ASH1L: variants seen among roughly 807,000 people sequenced by gnomAD.
ASH1L encodes ASH1 like histone lysine methyltransferase, also known as histone-lysine N-methyltransferase ASH1L.
ASH1L carries 23 observed loss-of-function variants against 269.0 expected under a neutral mutation model. That is an observed-to-expected ratio of 0.09 (90% confidence interval 0.06 to 0.12). The LOEUF is 0.12. ASH1L is among the 10% of genes least tolerant of loss of function. The probability of loss-of-function intolerance (pLI) is 1.00; values close to 1 mark genes in which losing one functional copy is unlikely to be tolerated. For synonymous variants in ASH1L, 1,187 were observed against 1,253.5 expected, an observed-to-expected ratio of 0.95 and a Z score of 1.12; for missense variants, 2,912 against 3,567.8, an observed-to-expected ratio of 0.82 and a Z score of 4.68.
intron 6 of ASH1L, chr1:155,396,270 T>C (rs1658338536): frequency 6.6e-6 from 1 of 152,172 alleles, no homozygotes; most frequent in Non-Finnish European, 1.5e-5. Context: ...AAGAGTCTCA[T>C]TTAAGATATT....
chr1:155,413,343 C>T (rs370157591), intron 6 of ASH1L, among the ~76,000 whole-genome samples: 15 of 152,148 alleles, frequency 9.9e-5, no homozygotes, highest in African/African-American at 2.2e-4. Flanking sequence ...TGGTGGCTCA[C>T]GCCTGTAATC....
chr1:155,546,942 A>ATTTTTT (rs1670868787), intron 1 of ASH1L, among the ~76,000 whole-genome samples: 1 of 130,812 alleles, frequency 7.6e-6, no homozygotes, highest in South Asian at 2.4e-4. Flanking sequence ...GTTTCATCAC[A>ATTTTTT]TTCTTTTTTT....
chr1:155,517,315 G>C (rs776941592), intron 2 of ASH1L, among the ~76,000 whole-genome samples: 1 of 151,938 alleles, frequency 6.6e-6, no homozygotes, highest in South Asian at 2.1e-4. Context: ...CCTGGATGAC[G>C]GAGCAAGACC....
chr1:155,533,851 C>T (rs1338727254), intron 1 of ASH1L, among the ~76,000 whole-genome samples: 1 of 152,136 alleles, frequency 6.6e-6, no homozygotes, highest in Non-Finnish European at 1.5e-5. Flanking sequence ...CAACACCTCT[C>T]CAACCATTTC....
At chr1:155,466,061 A>G (rs1664671259) in intron 3 of ASH1L, among the ~76,000 whole-genome samples, 2 of 152,214 alleles carry the variant, frequency 1.3e-5, no homozygotes, top group African/African-American at 2.4e-5. Flanking sequence ...TTTAAGCTAT[A>G]AAGTCTGTTT....
At chr1:155,404,893 T>C (rs1438712683) in intron 6 of ASH1L, among the ~76,000 whole-genome samples, 1 of 151,034 alleles carries the variant, frequency 6.6e-6, no homozygotes, top group Admixed American at 6.6e-5. Context: ...CTGAGTGTGG[T>C]GGTGCGTGCC....
At chr1:155,485,198 G>A (rs1405890397) in intron 2 of ASH1L, among the ~76,000 whole-genome samples, 2 of 150,588 alleles carry the variant, frequency 1.3e-5, no homozygotes, top group Non-Finnish European at 2.9e-5. Flanking sequence ...GGAGGTTGCA[G>A]TGAGCCAAGA....
At chr1:155,506,573 T>C (rs1667829027) in intron 2 of ASH1L, among the ~76,000 whole-genome samples, 1 of 151,890 alleles carries the variant, frequency 6.6e-6, no homozygotes. Flanking sequence ...GGCGTGTGCC[T>C]GTAGTACCAG....
intron 6 of ASH1L, among the ~76,000 whole-genome samples, chr1:155,408,284 T>G (rs1041051805): frequency 6.6e-6 from 1 of 152,242 alleles, no homozygotes; most frequent in Admixed American, 6.5e-5. Context: ...AGCTGCTAAA[T>G]TTGTGATAAT....
intron 2 of ASH1L, among the ~76,000 whole-genome samples, chr1:155,511,719 T>C (rs965220787): frequency 2.6e-5 from 4 of 152,174 alleles, no homozygotes; most frequent in African/African-American, 4.8e-5. Context: ...TTGGCCAGCA[T>C]AGTCTCGATC....
rs769878024 is a variant in ASH1L, at chr1:155,352,716, G to A, written c.7356C>T (p.Ile2452=). The A allele has an allele frequency of 2.2e-5, 36 of 1,608,050 alleles. 1 individual carries two copies. The African/African-American group carries it at 3.6e-4, about 16-fold the overall frequency. The change falls in exon 17 of 28, where the codon ATC becomes ATT. Residue 2452 remains isoleucine (I), a synonymous_variant. Transcript: ENST00000392403. ...QIFKEICDGI[I]SYKDSSRQAL... is the part of the protein sequence containing the mutation. Reference sequence around the variant, plus strand: ...GGTGGTTATAGTCACCTTTATAAGAGATGATACCATCACAAATTTCTTTGA... The same window carrying A: ...GGTGGTTATAGTCACCTTTATAAGAAATGATACCATCACAAATTTCTTTGA...
intron 5 of ASH1L, among the ~76,000 whole-genome samples, chr1:155,427,908 G>T (rs1558093064): frequency 6.6e-6 from 1 of 152,204 alleles, no homozygotes; most frequent in East Asian, 1.9e-4. Context: ...GAGTTCTGTT[G>T]AGATCTGGTG....
chr1:155,380,820 A>G (rs75978893), intron 7 of ASH1L, among the ~76,000 whole-genome samples: 1 of 135,584 alleles, frequency 7.4e-6, no homozygotes, highest in Non-Finnish European at 1.6e-5. Context: ...TTTTTTTTTT[A>G]GTAGAGACAG....
intron 1 of ASH1L, among the ~76,000 whole-genome samples, chr1:155,542,275 C>G (rs1331219023): frequency 6.6e-6 from 1 of 152,166 alleles, no homozygotes; most frequent in Admixed American, 6.6e-5. Context: ...TTGGGCCACG[C>G]ACGGTGGCTT....
At chr1:155,429,968 G>A (rs566005145) in intron 5 of ASH1L, among the ~76,000 whole-genome samples, 2 of 151,648 alleles carry the variant, frequency 1.3e-5, no homozygotes, top group Non-Finnish European at 2.9e-5. Context: ...AGCACGTCCA[G>A]CTGATTTTTA....
intron 7 of ASH1L, among the ~76,000 whole-genome samples, chr1:155,390,631 C>CT (rs1222343808): frequency 7.6e-6 from 1 of 131,570 alleles, no homozygotes; most frequent in Non-Finnish European, 1.6e-5. Context: ...TAATATCATT[C>CT]TCCCCCCCCC....
At position 155,338,069 on chromosome 1, in the gene ASH1L, A is replaced by G; in HGVS notation, c.8803+20T>C. 1 of 1,609,110 alleles carries G rather than the reference A, an allele frequency of 6.2e-7. No homozygotes were observed. Among genetic ancestry groups the G allele is most frequent in the South Asian group, 1.1e-5 (1 of 90,684 alleles). On this transcript the variant is annotated intron_variant, in intron 27 of 27. Coordinates refer to ENST00000392403, the MANE Select transcript of ASH1L (RefSeq NM_018489.3). ...TTCGCATTTATCTTAAACCCTAGAT[A>G]TGAACCTGATTCTTCTTACCATTTT...
rs77732171 is a variant in ASH1L, at chr1:155,526,613, C to T, written c.-99-4995G>A. Among the ~76,000 whole-genome samples, 64 of 152,328 alleles carry T rather than the reference C, an allele frequency of 4.2e-4. 4 individuals carry two copies. The East Asian group carries it at 0.012, about 28-fold the overall frequency. ...TAAAAAACTATTTCATCCCATCTCC[C>T]CTTTCTTCATTGTCCCTAATTTTGC... On this transcript the variant is annotated intron_variant, in intron 1 of 27. Transcript: ENST00000392403.
chr1:155,464,020 G>A (rs914958949), intron 3 of ASH1L, among the ~76,000 whole-genome samples: 1 of 152,164 alleles, frequency 6.6e-6, no homozygotes, highest in Non-Finnish European at 1.5e-5. Flanking sequence ...CTTTTGCAGA[G>A]TATGCCCAAG....
Sources: allele counts gnomAD v4.1 joint callset (sites outside exome capture counted in the v4.1 genomes callset), GRCh38; gene constraint gnomAD v4.1.1; transcripts MANE v1.5; gene names NCBI Gene and HGNC (gene_info 2026-07-23, HGNC 2026-07-21).